DHRSX: variants seen among roughly 807,000 people sequenced by gnomAD.
DHRSX encodes the protein polyprenol dehydrogenase.
In DHRSX, 31 loss-of-function variants were observed where a neutral mutation model predicts 34.0. That is an observed-to-expected ratio of 0.91 (90% confidence interval 0.69 to 1.23). DHRSX has a LOEUF of 1.23. DHRSX is among the 50% of genes most tolerant of loss of function. The pLI, the probability that DHRSX is intolerant of heterozygous loss-of-function variation, is 0.00. For missense variants in DHRSX, 414 were observed against 428.1 expected, an observed-to-expected ratio of 0.97 and a Z score of 0.29; for synonymous variants, 201 against 183.8, an observed-to-expected ratio of 1.09 and a Z score of -0.76.
chrX:2,464,370 A>T (rs769743647), intron 1 of DHRSX, among the ~76,000 whole-genome samples: 2 of 80,378 alleles, frequency 2.5e-5, no homozygotes, highest in South Asian at 9.3e-4. Context: ...CACACACTGA[A>T]GACGTTCCCT....
At position 2,375,414 on chromosome X, in the gene DHRSX, G is replaced by A. The variant is rs1272047332; in HGVS notation, c.286+33331C>T. On this transcript the variant is annotated intron_variant, in intron 3 of 6. Coordinates refer to ENST00000334651, the MANE Select transcript of DHRSX (RefSeq NM_145177.3). ...CCTTTTTCTTCTTGTGGAAAAGGCTGGGGCTTGTCATCACTGTCTCCTCCC... is the reference window on the plus strand; with the variant it reads ...CCTTTTTCTTCTTGTGGAAAAGGCTAGGGCTTGTCATCACTGTCTCCTCCC... Among the ~76,000 whole-genome samples, 8 of 138,334 alleles carry A rather than the reference G, an allele frequency of 5.8e-5. 1 individual carries two copies. In the East Asian group the frequency reaches 1.6e-3, roughly 27 times the overall value. The allele number at this position is 138,334 out of a possible 152,430, so 90.8% of individuals were successfully genotyped here.
intron 3 of DHRSX, among the ~76,000 whole-genome samples, chrX:2,384,367 G>A (rs2043246230): frequency 6.6e-6 from 1 of 152,158 alleles, no homozygotes; most frequent in Admixed American, 6.5e-5. Flanking sequence ...AACTAGCAGA[G>A]CAGAGTTTTG....
chrX:2,341,615 T>C (rs1301598596), intron 3 of DHRSX, among the ~76,000 whole-genome samples: 1 of 123,554 alleles, frequency 8.1e-6, no homozygotes, highest in Admixed American at 1.0e-4. Flanking sequence ...TATTTCCAAA[T>C]AAAAAATCAC....
intron 5 of DHRSX, among the ~76,000 whole-genome samples, chrX:2,250,766 A>G (rs903358422): frequency 1.1e-4 from 17 of 152,144 alleles, no homozygotes; most frequent in Non-Finnish European, 1.2e-4. Context: ...CCACCTCCAG[A>G]GAAGGCAGCC....
intron 3 of DHRSX, among the ~76,000 whole-genome samples, chrX:2,379,746 G>C (rs1347601123): frequency 2.6e-5 from 4 of 151,882 alleles, no homozygotes; most frequent in African/African-American, 9.7e-5. Flanking sequence ...CCTAGAGAAA[G>C]CTGTTTTGCC....
chrX:2,253,134 G>A (rs2016471715), intron 5 of DHRSX, among the ~76,000 whole-genome samples: 2 of 152,248 alleles, frequency 1.3e-5, no homozygotes, highest in Non-Finnish European at 2.9e-5. Flanking sequence ...ATGGCAGCAA[G>A]CCAAGATAGC....
intron 6 of DHRSX, among the ~76,000 whole-genome samples, chrX:2,236,889 A>T (rs2124417890): frequency 6.6e-6 from 1 of 151,924 alleles, no homozygotes; most frequent in East Asian, 1.9e-4. Flanking sequence ...TTAATAAAAA[A>T]AAAAAAAGAA....
chrX:2,455,797 A>G (rs1215156051), intron 1 of DHRSX, among the ~76,000 whole-genome samples: 1 of 150,512 alleles, frequency 6.6e-6, no homozygotes, highest in Non-Finnish European at 1.5e-5. Flanking sequence ...GCATGCTTCT[A>G]TGGGGAACAT....
At chrX:2,481,580 G>A (rs1429308738) in intron 1 of DHRSX, among the ~76,000 whole-genome samples, 1 of 151,284 alleles carries the variant, frequency 6.6e-6, no homozygotes, top group African/African-American at 2.5e-5. Flanking sequence ...ACAGGAGAAT[G>A]GCTTGAACCC....
chrX:2,316,194 G>A (rs976733329), intron 3 of DHRSX, among the ~76,000 whole-genome samples: 1 of 151,510 alleles, frequency 6.6e-6, no homozygotes, highest in African/African-American at 2.4e-5. Flanking sequence ...GTCAGACAAT[G>A]GTGGCTCTCT....
intron 1 of DHRSX, chrX:2,487,802 A>T (rs976895843): frequency 1.4e-5 from 2 of 139,610 alleles, no homozygotes; most frequent in African/African-American, 5.0e-5. Flanking sequence ...ACCGAACATT[A>T]AAAAAAAAGG....
At chrX:2,416,133 C>T (rs2043690231) in intron 2 of DHRSX, among the ~76,000 whole-genome samples, 1 of 152,006 alleles carries the variant, frequency 6.6e-6, no homozygotes, top group Non-Finnish European at 1.5e-5. Flanking sequence ...CCAACTAGAT[C>T]TCGTCATGAC....
At chrX:2,451,588 A>G (rs1374446495) in intron 1 of DHRSX, among the ~76,000 whole-genome samples, 2 of 152,214 alleles carry the variant, frequency 1.3e-5, no homozygotes. Flanking sequence ...GAATTCGGTC[A>G]GGACGGTGGC....
intron 1 of DHRSX, among the ~76,000 whole-genome samples, chrX:2,437,185 G>T (rs2044002309): frequency 6.6e-6 from 1 of 152,072 alleles, no homozygotes; most frequent in Non-Finnish European, 1.5e-5. Context: ...ATCTTTAGTA[G>T]AGATGGAGTT....
intron 1 of DHRSX, among the ~76,000 whole-genome samples, chrX:2,461,846 C>T (rs1345518029): frequency 2.0e-5 from 3 of 152,108 alleles, no homozygotes; most frequent in South Asian, 2.1e-4. Flanking sequence ...ACTACAGGCA[C>T]GCTCTCACTT....
chrX:2,225,296 ACACACATTCACATG>A (rs1451803155), intron 6 of DHRSX, among the ~76,000 whole-genome samples: 1 of 57,798 alleles, frequency 1.7e-5, no homozygotes, highest in African/African-American at 4.1e-5. Context: ...TTTCACATGT[ACACACATTCACATG>A]CACACATACA....
Position 2,411,111 on chromosome X carries a change from G to A in DHRSX, c.218-2298C>T, listed in dbSNP as rs531233978. On this transcript the variant is annotated intron_variant, in intron 2 of 6. Coordinates refer to ENST00000334651, the MANE Select transcript of DHRSX (RefSeq NM_145177.3). ...TCAAACACAAAACAAAAAAAGAAAGGATAAAAAAATTCAAAGTCAAGGTAA... is the reference window on the plus strand; with the variant it reads ...TCAAACACAAAACAAAAAAAGAAAGAATAAAAAAATTCAAAGTCAAGGTAA... 2.6e-4 allele frequency among the ~76,000 whole-genome samples: 39 copies of A among 152,130 alleles called. No homozygotes were observed. In the South Asian group the frequency reaches 7.5e-3, roughly 29 times the overall value.
chrX:2,359,120 A>G (rs1422206830), intron 3 of DHRSX, among the ~76,000 whole-genome samples: 4 of 152,224 alleles, frequency 2.6e-5, no homozygotes, highest in Admixed American at 1.3e-4. Context: ...GCAAGGTGGC[A>G]GACAAAAAGG....
At chrX:2,305,357 T>A (rs181685791) in intron 3 of DHRSX, among the ~76,000 whole-genome samples, 147 of 152,236 alleles carry the variant, frequency 9.7e-4, no homozygotes, top group Non-Finnish European at 1.7e-3. Context: ...CTGGAGAGGA[T>A]GTGGAGAAAC....
Sources: allele counts gnomAD v4.1 joint callset (sites outside exome capture counted in the v4.1 genomes callset), GRCh38; gene constraint gnomAD v4.1.1; transcripts MANE v1.5; gene names NCBI Gene and HGNC (gene_info 2026-07-23, HGNC 2026-07-21).